DOCK8: variants seen among roughly 807,000 people sequenced by gnomAD.
DOCK8 encodes the protein dedicator of cytokinesis 8.
Under a neutral mutation model 245.6 loss-of-function variants are expected in DOCK8, and 141 were observed. That is an observed-to-expected ratio of 0.57 (90% CI 0.50 to 0.66). The LOEUF (loss-of-function observed/expected upper bound fraction) is 0.66. Ranked by LOEUF, DOCK8 falls within the 30% of genes least tolerant of loss-of-function variation. The pLI, the probability that DOCK8 is intolerant of heterozygous loss-of-function variation, is 0.00. For missense variants in DOCK8, 2,965 were observed against 2,603.4 expected, an observed-to-expected ratio of 1.14 and a Z score of -3.02; for synonymous variants, 1,168 against 970.2, an observed-to-expected ratio of 1.20 and a Z score of -3.79.
chr9:390,307 A>C (rs1329003960), intron 23 of DOCK8, among the ~76,000 whole-genome samples, 164 bp from the exon 24 acceptor site: 1 of 152,090 alleles, frequency 6.6e-6, no homozygotes, highest in African/African-American at 2.4e-5. Context: ...AGGTGATCTC[A>C]GCACTGACTT....
At chr9:294,270 C>T (rs2049165912) in intron 4 of DOCK8, among the ~76,000 whole-genome samples, 1 of 152,148 alleles carries the variant, frequency 6.6e-6, no homozygotes, top group African/African-American at 2.4e-5. Flanking sequence ...TGCACATTTG[C>T]CCCATACATG....
chr9:400,781 A>T (rs868825041), intron 26 of DOCK8, among the ~76,000 whole-genome samples: 28 of 88,562 alleles, frequency 3.2e-4, no homozygotes, highest in Middle Eastern at 7.8e-3. Flanking sequence ...CACCACCACC[A>T]CCTCCACCAT....
intron 47 of DOCK8, among the ~76,000 whole-genome samples, 184 bp from the exon 48 acceptor site, chr9:463,975 A>G (rs1442292000): frequency 6.6e-6 from 1 of 152,036 alleles, no homozygotes; most frequent in Non-Finnish European, 1.5e-5. Context: ...GTTGGTTTGT[A>G]TGTTTGTTTT....
At chr9:409,841 C>T (rs561070790) in intron 28 of DOCK8, among the ~76,000 whole-genome samples, 2 of 151,516 alleles carry the variant, frequency 1.3e-5, no homozygotes, top group Admixed American at 1.3e-4. Flanking sequence ...TGACGGTTTT[C>T]AGCTTCATCC....
intron 14 of DOCK8, among the ~76,000 whole-genome samples, chr9:353,179 A>G (rs1394924342): frequency 6.6e-6 from 1 of 152,154 alleles, no homozygotes; most frequent in East Asian, 1.9e-4. Flanking sequence ...TTGTCCTGCA[A>G]CCACCTTGAG....
Position 425,509 on chromosome 9 carries a change from A to G in DOCK8, c.4242-1376A>G, listed in dbSNP as rs1192907158. On this transcript the variant is annotated intron_variant, in intron 33 of 47. Transcript: ENST00000432829. ...ATTGCGCCACTGCACTCTGCACTCC[A>G]GCCTGGGCGACAGAGGGAGACTCCG... Among the ~76,000 whole-genome samples the G allele has an allele frequency of 1.0e-4, 15 of 149,194 alleles. No individual in the cohort carries two copies. In the South Asian group the frequency reaches 1.3e-3, roughly 13 times the overall value.
chr9:376,039 G>A (rs544634304), intron 18 of DOCK8, among the ~76,000 whole-genome samples, 171 bp from the exon 19 acceptor site: 3 of 152,272 alleles, frequency 2.0e-5, no homozygotes, highest in Non-Finnish European at 4.4e-5. Context: ...GTTTGGTGTA[G>A]AATTGAAGTT....
chr9:327,042 T>C (rs1393866624), intron 8 of DOCK8, among the ~76,000 whole-genome samples: 1 of 152,228 alleles, frequency 6.6e-6, no homozygotes, highest in East Asian at 1.9e-4. Context: ...CTAAGATTCA[T>C]TCCCTACAAC....
intron 45 of DOCK8, among the ~76,000 whole-genome samples, chr9:451,276 G>A (rs940105970): frequency 2.0e-5 from 3 of 151,324 alleles, no homozygotes; most frequent in Admixed American, 6.6e-5. Context: ...ATGCCACTGC[G>A]CTCCAGCCTG....
At chr9:334,149 C>T in intron 10 of DOCK8, 76 bp from the exon 11 acceptor site, 1 of 1,535,364 alleles carries the variant, frequency 6.5e-7, no homozygotes, top group African/African-American at 1.4e-5. Context: ...TTGGAGATGG[C>T]TGTCATATTC....
At chr9:278,179 C>T (rs1353243824) in intron 2 of DOCK8, among the ~76,000 whole-genome samples, 1 of 152,240 alleles carries the variant, frequency 6.6e-6, no homozygotes, top group Non-Finnish European at 1.5e-5. Context: ...CATTGTTCAG[C>T]AGAGGAATCA....
At chr9:316,557 C>A (rs963594266) in intron 6 of DOCK8, among the ~76,000 whole-genome samples, 2 of 152,162 alleles carry the variant, frequency 1.3e-5, no homozygotes, top group African/African-American at 4.8e-5. Flanking sequence ...AAACAGTGAA[C>A]TGAGAAAGTG....
rs771596771 is a variant in DOCK8, at chr9:379,911, G to C, written c.2581G>C (p.Val861Leu). 2.5e-6 allele frequency: 4 copies of C among 1,614,124 alleles called. No individual in the cohort carries two copies. The South Asian group carries it at 4.4e-5, about 18-fold the overall frequency. ...GCACTACGTCTTCCGCCTGCCAGAG[G>C]TGCAAAGGGATGTGCCCAAGTCAGG... Reference protein sequence around the residue: ...YVHYVFRLPEVQRDVPKSGAP... With the variant: ...YVHYVFRLPELQRDVPKSGAP... Residue 861 changes from valine (V) to leucine (L), a missense_variant, in exon 21 of 48, where the codon GTG becomes CTG. By Grantham distance (32) the Val-to-Leu change is conservative. Coordinates refer to ENST00000432829, the MANE Select transcript of DOCK8 (RefSeq NM_203447.4).
At chr9:366,049 G>GC (rs1412190362) in intron 14 of DOCK8, 3 of 180,882 alleles carry the variant, frequency 1.7e-5, no homozygotes, top group African/African-American at 7.1e-5. Context: ...CCTGCAGTGG[G>GC]CCTCTGCCTG....
In DOCK8 at chr9:372,401, G is replaced by A. The variant is rs191487215; in HGVS notation, c.2109+115G>A. On this transcript the variant is annotated intron_variant, in intron 18 of 47. Coordinates refer to ENST00000432829, the MANE Select transcript of DOCK8 (RefSeq NM_203447.4). The stretch of plus-strand genomic sequence containing the variant: ...TGGATGTTCATCATGTTCTCAGAGA[G>A]CACATTGTTCTGATAGGATGGGAGG... 284 of 853,918 alleles carry A rather than the reference G, an allele frequency of 3.3e-4. No individual in the cohort carries two copies. The African/African-American group carries it at 4.4e-3, about 13-fold the overall frequency. 52.9% of individuals were successfully genotyped at this position (853,918 alleles called of 1,614,324 possible). A position where few individuals can be genotyped will look rare whatever the true frequency, so the allele number is the denominator to read the frequency against.
chr9:438,865 A>G (rs1229385305), intron 39 of DOCK8, among the ~76,000 whole-genome samples: 1 of 152,228 alleles, frequency 6.6e-6, no homozygotes, highest in Non-Finnish European at 1.5e-5. Context: ...TGTAAGTCAG[A>G]GGTCCACTCG....
In DOCK8 at chr9:450,635, A is replaced by G. The variant is rs561631315; in HGVS notation, c.5961+708A>G. Among the ~76,000 whole-genome samples, 30 of 152,216 alleles carry G rather than the reference A, an allele frequency of 2.0e-4. No homozygotes were observed. The South Asian group carries it at 6.0e-3, about 31-fold the overall frequency. On this transcript the variant is annotated intron_variant, in intron 45 of 47. Coordinates refer to ENST00000432829, the MANE Select transcript of DOCK8 (RefSeq NM_203447.4). ...TCATGAGTCTTTTCTCATTCAGCGT[A>G]ATTGGATTTCCCCACAAAAGTTCTG...
At chr9:458,948 CG>C (rs1388901620) in intron 46 of DOCK8, among the ~76,000 whole-genome samples, 1 of 152,142 alleles carries the variant, frequency 6.6e-6, no homozygotes, top group Non-Finnish European at 1.5e-5. Flanking sequence ...TTTCTGGAGG[CG>C]TAACTTCCTG....
chr9:324,291 GCTATCCATTGATGAGGACATC>G (rs2050656081), intron 7 of DOCK8, among the ~76,000 whole-genome samples: 1 of 152,144 alleles, frequency 6.6e-6, no homozygotes. Context: ...TTGAGACAAA[GCTATCCATTGATGAGGACATC>G]CTCTCACACA....
Sources: gnomAD v4.1 joint callset for allele counts (sites outside exome capture counted in the v4.1 genomes callset) on GRCh38, gnomAD v4.1.1 for gene constraint, MANE v1.5 for transcripts, NCBI Gene and HGNC (gene_info 2026-07-23, HGNC 2026-07-21) for gene names.